SERPINA6: variants seen among roughly 807,000 people sequenced by gnomAD.
SERPINA6 encodes corticosteroid-binding globulin.
A neutral mutation model predicts 26.4 loss-of-function variants in SERPINA6; 19 were observed. The observed-to-expected ratio is 0.72, with a 90% CI of 0.50 to 1.06. The LOEUF (loss-of-function observed/expected upper bound fraction) is 1.06. Ranked by LOEUF, SERPINA6 falls within the 50% of genes least tolerant of loss-of-function variation. The probability of loss-of-function intolerance (pLI) is 0.00; values close to 1 mark genes in which losing one functional copy is unlikely to be tolerated. For missense variants in SERPINA6, 473 were observed against 504.0 expected (o/e 0.94, Z 0.59); for synonymous variants, 196 against 199.4 (o/e 0.98, Z 0.14).
At chr14:94,321,982 C>T (rs1367009068) in intron 1 of SERPINA6, among the ~76,000 whole-genome samples, 1 of 152,192 alleles carries the variant, frequency 6.6e-6, no homozygotes, top group African/African-American at 2.4e-5. Flanking sequence ...ATCCACCCCA[C>T]AATATTGTTG....
chr14:94,314,645 G>A lies in SERPINA6; in HGVS notation c.4C>T (p.Pro2Ser), dbSNP rs1895587994. 6.2e-7 allele frequency: 1 copy of A among 1,612,908 alleles called. No individual in the cohort carries two copies. Among genetic ancestry groups the A allele is most frequent in the Non-Finnish European group, 8.5e-7 (1 of 1,180,024 alleles). M[P>S]LLLYTCLLWL... ...AGAAGACAGGTGTACAGGAGGAGTG[G>A]CATTGTCCAGTATAGCCAGGCCCTG... The change falls in exon 2 of 5, where the codon CCA (proline) becomes TCA (serine). Residue 2 changes from proline (P) to serine (S), a missense_variant. Coordinates refer to ENST00000341584, the MANE Select transcript of SERPINA6 (RefSeq NM_001756.4).
intron 1 of SERPINA6, among the ~76,000 whole-genome samples, chr14:94,322,513 A>C (rs143840965): frequency 1.3e-5 from 2 of 151,806 alleles, no homozygotes; most frequent in Non-Finnish European, 2.9e-5. Context: ...TCCATCTTAA[A>C]AAACAAACAA....
chr14:94,322,129 C>T (rs1895692337), intron 1 of SERPINA6, among the ~76,000 whole-genome samples: 1 of 152,168 alleles, frequency 6.6e-6, no homozygotes, highest in Non-Finnish European at 1.5e-5. Flanking sequence ...GAATTCTAAG[C>T]CTAGATGTCT....
Position 94,304,724 on chromosome 14 carries a change from T to G in SERPINA6, c.1033-121A>C, listed in dbSNP as rs530879537. On this transcript the variant is annotated intron_variant, in intron 4 of 4. Coordinates refer to ENST00000341584, the MANE Select transcript of SERPINA6 (RefSeq NM_001756.4). The stretch of plus-strand genomic sequence containing the variant: ...AAGGTAAATCCAGGGTCAGAGAAGG[T>G]CACTTGCTGGATTCTTATCCAAGTG... 1.3e-5 allele frequency: 11 copies of G among 816,798 alleles called. No individual in the cohort carries two copies. The African/African-American group carries it at 1.9e-4, about 14-fold the overall frequency. 50.6% of individuals were successfully genotyped at this position (816,798 alleles called of 1,614,324 possible). A position where few individuals can be genotyped will look rare whatever the true frequency, so the allele number is the denominator to read the frequency against.
rs191604480 is a variant in SERPINA6 at position 94,317,265 on chromosome 14, A to T, written c.-19-2598T>A. ...GTAATACATCATATTAACAAAATAA[A>T]AGAAAAAATCACATGATCATCTTAA... On this transcript the variant is annotated intron_variant, in intron 1 of 4. Coordinates refer to ENST00000341584, the MANE Select transcript of SERPINA6 (RefSeq NM_001756.4). 3.8e-3 allele frequency among the ~76,000 whole-genome samples: 580 copies of T among 152,358 alleles called. 2 individuals carry two copies. The highest frequency in any genetic ancestry group is 6.2e-3 in the Non-Finnish European group (420 of 68,028).
intron 1 of SERPINA6, among the ~76,000 whole-genome samples, chr14:94,322,791 A>G (rs573816153): frequency 1.3e-5 from 2 of 152,304 alleles, no homozygotes; most frequent in South Asian, 4.1e-4. Context: ...GTGAGGAGCC[A>G]TGGTGGAGAC....
chr14:94,322,547 G>A lies in SERPINA6; in HGVS notation c.-20+720C>T, dbSNP rs74501888. 4.1e-3 allele frequency among the ~76,000 whole-genome samples: 622 copies of A among 152,148 alleles called. 1 individual carries two copies. Among genetic ancestry groups the A allele is most frequent in the Non-Finnish European group, 6.9e-3 (469 of 67,974 alleles). The stretch of plus-strand genomic sequence containing the variant: ...AAACAAACAAACAAAAAAGTACCCA[G>A]CCATATAAAAATGCAGAGTATCAAT... On this transcript the variant is annotated intron_variant, in intron 1 of 4. Coordinates refer to ENST00000341584, the MANE Select transcript of SERPINA6 (RefSeq NM_001756.4).
At chr14:94,307,826 A>G (rs761773289) in intron 3 of SERPINA6, among the ~76,000 whole-genome samples, 3 of 152,252 alleles carry the variant, frequency 2.0e-5, no homozygotes, top group Non-Finnish European at 4.4e-5. Flanking sequence ...ACAGGAGAGA[A>G]GTCAAATTCC....
In SERPINA6 at chr14:94,304,321, G is replaced by A. The variant is rs1895401872; in HGVS notation, c.*97C>T. On this transcript the variant is annotated 3_prime_UTR_variant, in exon 5 of 5. Transcript: ENST00000341584. ...CTCTGGTTGGAGGGAGAAGAACTTG[G>A]AGGAGATTGGGGGAAACCTCCCGCT... The A allele has an allele frequency of 5.9e-6, 7 of 1,195,128 alleles. No homozygotes were observed. In the South Asian group the frequency reaches 8.5e-5, roughly 15 times the overall value. 74.0% of individuals were successfully genotyped at this position (1,195,128 alleles called of 1,614,324 possible). A position where few individuals can be genotyped will look rare whatever the true frequency, so the allele number is the denominator to read the frequency against.
chr14:94,317,615 G>A (rs1036537313), intron 1 of SERPINA6, among the ~76,000 whole-genome samples: 3 of 152,210 alleles, frequency 2.0e-5, no homozygotes, highest in African/African-American at 7.2e-5. Context: ...GTGTCTGTGA[G>A]CCTAATCTTT....
chr14:94,312,346 C>G (rs972613424), intron 2 of SERPINA6, among the ~76,000 whole-genome samples: 8 of 152,234 alleles, frequency 5.3e-5, no homozygotes, highest in African/African-American at 1.7e-4. Flanking sequence ...GCTCAGGCAT[C>G]TCTCAGGCTC....
intron 3 of SERPINA6, among the ~76,000 whole-genome samples, chr14:94,308,840 TATTC>T (rs1895480600): frequency 1.3e-5 from 2 of 152,216 alleles, no homozygotes; most frequent in South Asian, 4.1e-4. Context: ...TCCATTTACT[TATTC>T]ATTCATCCAT....
chr14:94,322,438 A>G (rs1895696430), intron 1 of SERPINA6, among the ~76,000 whole-genome samples: 3 of 152,296 alleles, frequency 2.0e-5, no homozygotes, highest in Non-Finnish European at 4.4e-5. Context: ...TGAACCCAGG[A>G]GGCAGAGGTT....
chr14:94,306,355 C>G, intron 3 of SERPINA6, 137 bp from the exon 4 acceptor site: 1 of 891,790 alleles, frequency 1.1e-6, no homozygotes, highest in East Asian at 2.6e-5. Flanking sequence ...CTGACTTGCT[C>G]TTTGTGGGTA....
intron 1 of SERPINA6, among the ~76,000 whole-genome samples, chr14:94,315,773 C>T (rs1039168064): frequency 6.6e-6 from 1 of 152,136 alleles, no homozygotes; most frequent in African/African-American, 2.4e-5. Flanking sequence ...ATAAAGTTTT[C>T]AGTACAGCAA....
chr14:94,320,134 G>A (rs1241059144), intron 1 of SERPINA6, among the ~76,000 whole-genome samples: 3 of 152,172 alleles, frequency 2.0e-5, no homozygotes, highest in Non-Finnish European at 4.4e-5. Context: ...AATACAGGAT[G>A]CTTACAGGAG....
At chr14:94,312,684 G>A (rs1384881683) in intron 2 of SERPINA6, among the ~76,000 whole-genome samples, 1 of 152,216 alleles carries the variant, frequency 6.6e-6, no homozygotes, top group East Asian at 1.9e-4. Flanking sequence ...GCCTCTCCTG[G>A]GAGTTCCCAG....
chr14:94,304,378 CCAAAGT>C lies in SERPINA6; in HGVS notation c.*34_*39del. 8.1e-6 allele frequency: 13 copies of C among 1,604,176 alleles called. No individual in the cohort carries two copies. Among genetic ancestry groups the C allele is most frequent in the Non-Finnish European group, 1.1e-5 (13 of 1,171,022 alleles). On this transcript the variant is annotated 3_prime_UTR_variant, in exon 5 of 5. Coordinates refer to ENST00000341584, the MANE Select transcript of SERPINA6 (RefSeq NM_001756.4). Reference sequence around the variant, plus strand: ...AACATTTCTGTGGGATCCCTGGTTCCCAAAGTCAGACAGTGCTGAGGCTCTGGGTGG... The same window carrying C: ...AACATTTCTGTGGGATCCCTGGTTCCCAGACAGTGCTGAGGCTCTGGGTGG...
At chr14:94,309,614 A>C in intron 3 of SERPINA6, 122 bp downstream of exon 3, 1 of 1,155,524 alleles carries the variant, frequency 8.7e-7, no homozygotes, top group East Asian at 2.4e-5. Context: ...CAGACAGGAA[A>C]ACTGAGCCCT....
Sources: gnomAD v4.1 joint callset for allele counts (sites outside exome capture counted in the v4.1 genomes callset) on GRCh38, gnomAD v4.1.1 for gene constraint, MANE v1.5 for transcripts, NCBI Gene and HGNC (gene_info 2026-07-23, HGNC 2026-07-21) for gene names.